The following CCDC178 variants were observed in gnomAD, a reference collection of about 807,000 sequenced individuals.
CCDC178 encodes coiled-coil domain-containing protein 178.
Under a neutral mutation model 117.4 loss-of-function variants are expected in CCDC178, and 126 were observed. The observed-to-expected ratio is 1.07, with a 90% CI of 0.93 to 1.24. The LOEUF (loss-of-function observed/expected upper bound fraction) is 1.24. Among genes scored for constraint, CCDC178 ranks in the 50% most tolerant of loss-of-function variants. CCDC178 has a pLI of 0.00. For missense variants in CCDC178, 1,030 were observed against 986.9 expected (o/e 1.04, Z -0.59); for synonymous variants, 283 against 313.4 (o/e 0.90, Z 1.02).
At chr18:33,271,948 C>T (rs560625482) in intron 12 of CCDC178, among the ~76,000 whole-genome samples, 1 of 151,472 alleles carries the variant, frequency 6.6e-6, no homozygotes, top group Admixed American at 6.6e-5. Flanking sequence ...CTCTAATTGC[C>T]TACATTAAAG....
chr18:33,375,912 C>T (rs1276169466), intron 5 of CCDC178, among the ~76,000 whole-genome samples: 1 of 152,038 alleles, frequency 6.6e-6, no homozygotes, highest in Non-Finnish European at 1.5e-5. Flanking sequence ...AAGGACAGAC[C>T]AAGGCAAATT....
chr18:33,202,147 C>T (rs560905478), intron 20 of CCDC178, among the ~76,000 whole-genome samples: 118 of 152,090 alleles, frequency 7.8e-4, no homozygotes, highest in Middle Eastern at 3.4e-3. Flanking sequence ...GTAATCCCAG[C>T]ACTTTGGGAG....
At chr18:33,431,183 T>C (rs1354729982) in intron 2 of CCDC178, among the ~76,000 whole-genome samples, 1 of 143,760 alleles carries the variant, frequency 7.0e-6, no homozygotes, top group Non-Finnish European at 1.5e-5. Flanking sequence ...GAAATACAAA[T>C]GATTTAACTT....
Position 33,436,581 on chromosome 18 carries a change from C to T in CCDC178, c.-23+3381G>A, listed in dbSNP as rs564016711. Among the ~76,000 whole-genome samples, 4 of 152,296 alleles carry T rather than the reference C, an allele frequency of 2.6e-5. No homozygotes were observed. The East Asian group carries it at 7.7e-4, about 29-fold the overall frequency. On this transcript the variant is annotated intron_variant, in intron 2 of 22. Coordinates refer to ENST00000383096, the MANE Select transcript of CCDC178 (RefSeq NM_001105528.4). ...TGCAGTTTATCTCCAGAGCTACTGACCCTTGGCCAATGCTGTAAAATGTAT... is the reference window on the plus strand; with the variant it reads ...TGCAGTTTATCTCCAGAGCTACTGATCCTTGGCCAATGCTGTAAAATGTAT...
chr18:33,405,444 AT>A (rs1467512052), intron 3 of CCDC178, among the ~76,000 whole-genome samples: 2 of 151,794 alleles, frequency 1.3e-5, no homozygotes, highest in Admixed American at 1.3e-4. Flanking sequence ...AAAATAAAAA[AT>A]CCTTTGGAAT....
intron 5 of CCDC178, among the ~76,000 whole-genome samples, chr18:33,383,822 C>G (rs572266097): frequency 2.6e-5 from 4 of 152,220 alleles, no homozygotes; most frequent in African/African-American, 9.6e-5. Context: ...ATAATCACAA[C>G]ACTTCTGCAG....
At chr18:33,187,932 A>G (rs2058815957) in intron 20 of CCDC178, among the ~76,000 whole-genome samples, 1 of 152,110 alleles carries the variant, frequency 6.6e-6, no homozygotes, top group African/African-American at 2.4e-5. Flanking sequence ...GTTTCTGCCT[A>G]TATTTTCTGG....
chr18:33,227,926 C>T (rs1362052844), intron 15 of CCDC178, among the ~76,000 whole-genome samples: 1 of 152,150 alleles, frequency 6.6e-6, no homozygotes, highest in Admixed American at 6.6e-5. Context: ...TTAGCGACCT[C>T]TTCTAACATG....
At chr18:33,346,074 TC>T in intron 9 of CCDC178, 136 bp downstream of exon 9, 1 of 576,400 alleles carries the variant, frequency 1.7e-6, no homozygotes, top group East Asian at 3.1e-5. Flanking sequence ...GTGATCCGCA[TC>T]CCCAGCCTCC....
chr18:33,014,122 G>T lies in CCDC178; in HGVS notation c.2389-39441C>A, dbSNP rs117482708. On this transcript the variant is annotated intron_variant, in intron 21 of 22. Transcript: ENST00000383096. The stretch of plus-strand genomic sequence containing the variant: ...TCCCATTCTCCTACTTCAACTCCTC[G>T]TAAACCTGGAAAACCAACAGCCTTA... Among the ~76,000 whole-genome samples, 558 of 152,190 alleles carry T rather than the reference G, an allele frequency of 3.7e-3. 1 individual carries two copies. Among genetic ancestry groups the T allele is most frequent in the Non-Finnish European group, 6.2e-3 (423 of 67,988 alleles).
intron 9 of CCDC178, among the ~76,000 whole-genome samples, chr18:33,334,961 G>A (rs760732167): frequency 1.5e-4 from 23 of 151,752 alleles, no homozygotes; most frequent in African/African-American, 3.4e-4. Context: ...TCTTAATGTC[G>A]TCATCACTAT....
chr18:33,413,991 A>C (rs941896367), intron 2 of CCDC178, among the ~76,000 whole-genome samples: 3 of 152,176 alleles, frequency 2.0e-5, no homozygotes, highest in African/African-American at 7.2e-5. Flanking sequence ...GTGTTGACTC[A>C]CAGGACACTC....
chr18:33,417,890 T>G (rs944975609), intron 2 of CCDC178, among the ~76,000 whole-genome samples: 2 of 152,080 alleles, frequency 1.3e-5, no homozygotes, highest in Non-Finnish European at 2.9e-5. Flanking sequence ...CCAGAGAGAT[T>G]CATTGCCAAA....
At chr18:33,264,688 T>C (rs1033154372) in intron 14 of CCDC178, among the ~76,000 whole-genome samples, 1 of 152,008 alleles carries the variant, frequency 6.6e-6, no homozygotes, top group Non-Finnish European at 1.5e-5. Flanking sequence ...CGTCTATTCT[T>C]GAGAGAATTA....
At chr18:33,278,588 A>T (rs1277805358) in intron 12 of CCDC178, among the ~76,000 whole-genome samples, 1 of 152,100 alleles carries the variant, frequency 6.6e-6, no homozygotes, top group African/African-American at 2.4e-5. Flanking sequence ...TTATTCTATC[A>T]TATACAAAAC....
intron 21 of CCDC178, among the ~76,000 whole-genome samples, chr18:33,078,492 AT>A (rs747227865): frequency 8.5e-5 from 13 of 152,154 alleles, no homozygotes; most frequent in Non-Finnish European, 1.8e-4. Flanking sequence ...AAGTCAAACT[AT>A]CCCTGTTTGC....
chr18:32,972,213 G>C (rs1190627395), intron 22 of CCDC178, among the ~76,000 whole-genome samples: 2 of 151,926 alleles, frequency 1.3e-5, no homozygotes, highest in Admixed American at 1.3e-4. Context: ...TAAGGAAGGG[G>C]TCCAGTTTCA....
intron 11 of CCDC178, among the ~76,000 whole-genome samples, chr18:33,313,697 C>T (rs1392349905): frequency 2.0e-5 from 3 of 152,104 alleles, no homozygotes; most frequent in Non-Finnish European, 4.4e-5. Flanking sequence ...TTGAGACTTG[C>T]CCCACTTGCT....
At chr18:33,265,910 A>C (rs928869070) in intron 14 of CCDC178, among the ~76,000 whole-genome samples, 30 of 152,068 alleles carry the variant, frequency 2.0e-4, no homozygotes, top group African/African-American at 6.8e-4. Flanking sequence ...GAAGAGAATA[A>C]ACTGAAAATA....
Sources: allele counts gnomAD v4.1 joint callset (sites outside exome capture counted in the v4.1 genomes callset), GRCh38; gene constraint gnomAD v4.1.1; transcripts MANE v1.5; gene names NCBI Gene and HGNC (gene_info 2026-07-23, HGNC 2026-07-21).